The following BLTP1 variants were observed in gnomAD, a reference collection of about 807,000 sequenced individuals.
BLTP1 encodes bridge-like lipid transfer protein family member 1, also known as fragile site-associated protein.
chr4:122,233,071 C>T, the BLTP1 span, among the ~76,000 whole-genome samples: 1 of 152,172 alleles, frequency 6.6e-6, no homozygotes, highest in South Asian at 2.1e-4. Context: ...TCAACATCTC[C>T]TTGGAACTTA....
the BLTP1 span, chr4:122,346,432 C>A: frequency 1.0e-6 from 1 of 983,670 alleles, no homozygotes; most frequent in East Asian, 1.1e-4. Context: ...CTTGCCATCA[C>A]CTCAAAAAAG....
the BLTP1 span, chr4:122,301,492 CAG>C: frequency 1.6e-6 from 1 of 633,078 alleles, no homozygotes; most frequent in South Asian, 3.3e-5. Context: ...AATTACCAAA[CAG>C]AAAATAAAAA....
the BLTP1 span, among the ~76,000 whole-genome samples, chr4:122,252,189 G>A: frequency 7.9e-5 from 12 of 152,146 alleles, no homozygotes; most frequent in East Asian, 7.7e-4. Flanking sequence ...GACCCTCTAC[G>A]ATGTGCTGGT....
chr4:122,289,240 A>C, the BLTP1 span: 7 of 1,322,132 alleles, frequency 5.3e-6, no homozygotes, highest in Non-Finnish European at 7.4e-6. Flanking sequence ...TTTTATTCTC[A>C]TTGAGCGTGT....
chr4:122,210,946 A>G, the BLTP1 span: 1 of 1,613,664 alleles, frequency 6.2e-7, no homozygotes, highest in Non-Finnish European at 8.5e-7. Context: ...GACATCAGAC[A>G]GAGTTGTTTC....
At chr4:122,283,690 A>G in the BLTP1 span, among the ~76,000 whole-genome samples, 3 of 152,168 alleles carry the variant, frequency 2.0e-5, no homozygotes, top group Admixed American at 6.5e-5. Context: ...AATTTTTTGT[A>G]GAGATGGTGG....
chr4:122,234,999 A>G, the BLTP1 span: 1 of 1,601,954 alleles, frequency 6.2e-7, no homozygotes, highest in Non-Finnish European at 8.5e-7. Context: ...GATAATTACT[A>G]AAGAAATTCC....
At chr4:122,361,976 G>A in the BLTP1 span, 1 of 1,578,706 alleles carries the variant, frequency 6.3e-7, no homozygotes, top group Non-Finnish European at 8.6e-7. Context: ...CCTACCATTA[G>A]AACCATGCTT....
chr4:122,298,815 A>T, the BLTP1 span: 1 of 958,636 alleles, frequency 1.0e-6, no homozygotes, highest in African/African-American at 1.8e-5. Context: ...CTTTCAAGAG[A>T]GGGACAGTTT....
At chr4:122,198,941 A>G in the BLTP1 span, among the ~76,000 whole-genome samples, 169 of 152,236 alleles carry the variant, frequency 1.1e-3, no homozygotes, top group Non-Finnish European at 1.9e-3. Context: ...AGAATGGACT[A>G]TATTGCTGAG....
the BLTP1 span, chr4:122,336,978 C>T: frequency 6.2e-7 from 1 of 1,612,126 alleles, no homozygotes. Context: ...CATCTGCTTA[C>T]TCTTCCTTCC....
At chr4:122,336,994 G>C in the BLTP1 span, 9 of 1,610,300 alleles carry the variant, frequency 5.6e-6, no homozygotes, top group Non-Finnish European at 6.8e-6. Context: ...CTTCCCTGTA[G>C]ATGTTGTGGT....
At chr4:122,256,165 A>T in the BLTP1 span, 1 of 985,064 alleles carries the variant, frequency 1.0e-6, no homozygotes, top group Non-Finnish European at 1.2e-6. Context: ...CAAATTAGGG[A>T]CCAATGTATC....
the BLTP1 span, chr4:122,271,985 C>G: frequency 7.8e-6 from 3 of 382,646 alleles, no homozygotes; most frequent in African/African-American, 4.4e-5. Flanking sequence ...CTACTATTCA[C>G]TTTCAGTAGG....
chr4:122,290,441 C>G, the BLTP1 span, among the ~76,000 whole-genome samples: 1 of 152,022 alleles, frequency 6.6e-6, no homozygotes, highest in East Asian at 1.9e-4. Flanking sequence ...AAGACTATAT[C>G]AAGCTGGTAA....
the BLTP1 span, chr4:122,264,546 C>A: frequency 2.4e-6 from 2 of 822,000 alleles, no homozygotes; most frequent in Middle Eastern, 3.5e-4. Flanking sequence ...ACCTATCTGC[C>A]TACAGCCTTC....
the BLTP1 span, chr4:122,231,736 T>C: frequency 1.4e-5 from 14 of 976,228 alleles, no homozygotes; most frequent in Non-Finnish European, 1.7e-5. Context: ...GGTGCATGTG[T>C]ATATTATTCT....
chr4:122,331,188 C>A, the BLTP1 span: 1 of 1,393,238 alleles, frequency 7.2e-7, no homozygotes, highest in Non-Finnish European at 9.4e-7. Context: ...AGTGTGGCTC[C>A]ATTAAACTCA....
chr4:122,233,375 T>C, the BLTP1 span, among the ~76,000 whole-genome samples: 1 of 152,206 alleles, frequency 6.6e-6, no homozygotes, highest in Non-Finnish European at 1.5e-5. Context: ...AAACTGAGGC[T>C]CAGAGATGTT....
Sources: allele counts gnomAD v4.1 joint callset (sites outside exome capture counted in the v4.1 genomes callset), GRCh38; gene constraint gnomAD v4.1.1; transcripts MANE v1.5; gene names NCBI Gene and HGNC (gene_info 2026-07-23, HGNC 2026-07-21).